Variants in ABCB1 observed in about 807,000 individuals in gnomAD.
ABCB1 encodes the protein ATP binding cassette subfamily B member 1, also known as ATP-dependent translocase ABCB1.
In ABCB1, 69 loss-of-function variants were observed where a neutral mutation model predicts 142.0. The ratio of observed to expected loss-of-function variants is 0.49; its 90% CI spans 0.40 to 0.59. ABCB1 has a LOEUF of 0.59. ABCB1 is among the 20% of genes least tolerant of loss of function. The probability of loss-of-function intolerance (pLI) is 0.00; values close to 1 mark genes in which losing one functional copy is unlikely to be tolerated. For synonymous variants in ABCB1, 532 were observed against 539.2 expected (o/e 0.99, Z 0.18); for missense variants, 1,326 against 1,554.7 (o/e 0.85, Z 2.47).
At chr7:87,645,002 C>G (rs540079829) in intron 1 of ABCB1, among the ~76,000 whole-genome samples, 51 of 150,720 alleles carry the variant, frequency 3.4e-4, no homozygotes, top group African/African-American at 1.1e-3. Flanking sequence ...TCTCATTTCT[C>G]TTGCTATGAT....
At chr7:87,628,619 GT>G in intron 1 of ABCB1, 28 of 306,974 alleles carry the variant, frequency 9.1e-5, no homozygotes, top group Non-Finnish European at 1.5e-4. Flanking sequence ...GTGTGTGTGT[GT>G]GTGTGGAGCT....
chr7:87,618,616 T>C (rs192842443), intron 1 of ABCB1, among the ~76,000 whole-genome samples: 4 of 152,308 alleles, frequency 2.6e-5, no homozygotes, highest in Admixed American at 1.3e-4. Flanking sequence ...ATTTCTAAAA[T>C]GGTCCTTATG....
At chr7:87,687,365 TA>T (rs955541040) in intron 1 of ABCB1, among the ~76,000 whole-genome samples, 2 of 152,188 alleles carry the variant, frequency 1.3e-5, no homozygotes, top group African/African-American at 4.8e-5. Flanking sequence ...CCATGAGGTT[TA>T]ACCCTTCCAC....
intron 1 of ABCB1, among the ~76,000 whole-genome samples, chr7:87,620,586 G>C (rs1046317321): frequency 2.0e-5 from 3 of 151,920 alleles, no homozygotes; most frequent in African/African-American, 7.3e-5. Context: ...TTTTAGTTTT[G>C]AAAGCAAATT....
intron 2 of ABCB1, among the ~76,000 whole-genome samples, chr7:87,596,463 A>G (rs1819210385): frequency 6.6e-6 from 1 of 152,090 alleles, no homozygotes; most frequent in Admixed American, 6.6e-5. Context: ...AAATTGTCAA[A>G]AAGTTCTCCT....
Position 87,541,441 on chromosome 7 carries a change from A to C in ABCB1, c.2235T>G (p.Pro745=). 1 of 1,607,860 alleles carries C rather than the reference A, an allele frequency of 6.2e-7. No homozygotes were observed. ...AGTTACTATTCTGTCGTTTTGTTTC[A>C]GGATCATCAATTCTTGTAAAAACCT... ...IIGVFTRIDD[P]ETKRQNSNLF... The change falls in exon 18 of 28, where the codon CCT becomes CCG. Residue 745 remains proline, a synonymous_variant. Transcript: ENST00000622132.
intron 1 of ABCB1, among the ~76,000 whole-genome samples, chr7:87,702,386 C>T (rs1447134600): frequency 6.6e-6 from 1 of 151,826 alleles, no homozygotes. Flanking sequence ...TCAAGTGATC[C>T]TCCAACCTCA....
At chr7:87,692,460 A>C (rs1252812822) in intron 1 of ABCB1, among the ~76,000 whole-genome samples, 1 of 152,176 alleles carries the variant, frequency 6.6e-6, no homozygotes, top group African/African-American at 2.4e-5. Flanking sequence ...CTGTCTCTTA[A>C]ACAATCAAAC....
chr7:87,677,215 A>T (rs1340925064), intron 1 of ABCB1, among the ~76,000 whole-genome samples: 2 of 152,106 alleles, frequency 1.3e-5, no homozygotes, highest in East Asian at 3.9e-4. Flanking sequence ...TAGCCAAGAT[A>T]TTAAGACAAC....
chr7:87,622,808 A>G (rs1314651833), intron 1 of ABCB1, among the ~76,000 whole-genome samples: 1 of 152,200 alleles, frequency 6.6e-6, no homozygotes, highest in Admixed American at 6.5e-5. Flanking sequence ...AGAAGGGAGG[A>G]TCGCATGAGA....
At chr7:87,706,879 G>T (rs2130726149) in intron 1 of ABCB1, among the ~76,000 whole-genome samples, 1 of 152,262 alleles carries the variant, frequency 6.6e-6, no homozygotes, top group East Asian at 1.9e-4. Context: ...AAAGCAGCAG[G>T]GAAGAGGTAA....
At chr7:87,508,175 G>A (rs961234791) in intron 26 of ABCB1, among the ~76,000 whole-genome samples, 12 of 152,108 alleles carry the variant, frequency 7.9e-5, no homozygotes, top group Non-Finnish European at 1.5e-4. Flanking sequence ...TTTTAATACA[G>A]GTTGAGCATC....
At chr7:87,526,879 C>T (rs1405202864) in intron 21 of ABCB1, among the ~76,000 whole-genome samples, 3 of 152,144 alleles carry the variant, frequency 2.0e-5, no homozygotes, top group Non-Finnish European at 2.9e-5. Context: ...GATATGGACT[C>T]ATCCTAAACC....
At chr7:87,686,486 T>C (rs994132334) in intron 1 of ABCB1, among the ~76,000 whole-genome samples, 1 of 152,134 alleles carries the variant, frequency 6.6e-6, no homozygotes, top group Non-Finnish European at 1.5e-5. Context: ...ATCTGTGACT[T>C]TGATTATTTA....
intron 26 of ABCB1, among the ~76,000 whole-genome samples, chr7:87,508,428 T>C (rs1166599508): frequency 1.3e-5 from 2 of 152,186 alleles, no homozygotes; most frequent in African/African-American, 4.8e-5. Flanking sequence ...TCCAAAACAC[T>C]TCTGGTCCCA....
chr7:87,579,151 G>T (rs1344544179), intron 4 of ABCB1, among the ~76,000 whole-genome samples: 1 of 152,106 alleles, frequency 6.6e-6, no homozygotes, highest in Non-Finnish European at 1.5e-5. Flanking sequence ...CCAAATATAA[G>T]ATTGTATCAT....
At chr7:87,700,645 T>A in intron 1 of ABCB1, 2 of 1,224,014 alleles carry the variant, frequency 1.6e-6, no homozygotes, top group Middle Eastern at 2.0e-4. Flanking sequence ...TACTATGAAT[T>A]TCCTTTTCTT....
At position 87,546,017 on chromosome 7, in the gene ABCB1, T is replaced by C. The variant is rs1021879980; in HGVS notation, c.1733A>G (p.Lys578Arg). The C allele has an allele frequency of 3.1e-6, 5 of 1,614,102 alleles. No individual in the cohort carries two copies. Among genetic ancestry groups the C allele is most frequent in the East Asian group, 2.2e-5 (1 of 44,862 alleles). The change falls in exon 15 of 28, where the codon AAA (lysine) becomes AGA (arginine). Residue 578 changes from lysine (K) to arginine (R), a missense_variant. Transcript: ENST00000622132. ...AGCTATCACAATGGTGGTCCGACCT[T>C]TTCTGGCCTAAAGAGAGAGAAATTT... ...VVQVALDKAR[K>R]GRTTIVIAHR...
In ABCB1 at chr7:87,519,442, G is replaced by A. The variant is rs752615991; in HGVS notation, c.2811C>T (p.Ile937=). 2.5e-6 allele frequency: 4 copies of A among 1,614,060 alleles called. No homozygotes were observed. In the South Asian group the frequency reaches 3.3e-5, roughly 13 times the overall value. The change falls in exon 23 of 28, where the codon ATC becomes ATT. Residue 937 remains isoleucine (I), a synonymous_variant. Coordinates refer to ENST00000622132, the MANE Select transcript of ABCB1 (RefSeq NM_001348946.2). ...GGGTGAAGGAAAATGTAATTCCAAA[G>A]ATGTGTGCTTTCCTCAAAGAGTTTC... ...PYRNSLRKAH[I]FGITFSFTQA...
Sources: allele counts gnomAD v4.1 joint callset (sites outside exome capture counted in the v4.1 genomes callset), GRCh38; gene constraint gnomAD v4.1.1; transcripts MANE v1.5; gene names NCBI Gene and HGNC (gene_info 2026-07-23, HGNC 2026-07-21).